MNAT1: variants seen among roughly 807,000 people sequenced by gnomAD.
The protein encoded by MNAT1 is CDK-activating kinase assembly factor MAT1.
A neutral mutation model predicts 42.0 loss-of-function variants in MNAT1; 43 were observed. The ratio of observed to expected loss-of-function variants is 1.02; its 90% CI spans 0.80 to 1.32. The LOEUF (loss-of-function observed/expected upper bound fraction) is 1.32. Among genes scored for constraint, MNAT1 ranks in the 40% most tolerant of loss-of-function variants. MNAT1 has a pLI of 0.00. For synonymous variants in MNAT1, 118 were observed against 120.0 expected (o/e 0.98, Z 0.11); for missense variants, 306 against 350.4 (o/e 0.87, Z 1.01).
chr14:60,761,044 C>T (rs1489309716), intron 1 of MNAT1, among the ~76,000 whole-genome samples: 1 of 152,144 alleles, frequency 6.6e-6, no homozygotes, highest in African/African-American at 2.4e-5. Flanking sequence ...TCTTGCTAGA[C>T]GCTTATGAAT....
At chr14:60,770,564 A>C (rs753364271) in intron 1 of MNAT1, among the ~76,000 whole-genome samples, 76 of 152,300 alleles carry the variant, frequency 5.0e-4, no homozygotes, top group Non-Finnish European at 7.9e-4. Flanking sequence ...CTTAATTTAT[A>C]TATTTGTTAT....
intron 6 of MNAT1, among the ~76,000 whole-genome samples, chr14:60,858,251 T>C (rs1401105508): frequency 3.3e-5 from 5 of 152,226 alleles, no homozygotes; most frequent in South Asian, 2.1e-4. Flanking sequence ...TTCCTGACTT[T>C]TTAATGATTG....
chr14:60,759,638 C>T (rs2030512196), intron 1 of MNAT1, among the ~76,000 whole-genome samples: 1 of 152,074 alleles, frequency 6.6e-6, no homozygotes, highest in African/African-American at 2.4e-5. Context: ...AGAAGGTATA[C>T]CAATAACCTT....
At chr14:60,941,447 T>C (rs2036157499) in intron 7 of MNAT1, among the ~76,000 whole-genome samples, 1 of 152,174 alleles carries the variant, frequency 6.6e-6, no homozygotes. Flanking sequence ...CACCTGTAGT[T>C]TCAGCCTTTT....
At chr14:60,818,636 G>A in intron 5 of MNAT1, 86 bp from the exon 6 acceptor site, 3 of 1,217,572 alleles carry the variant, frequency 2.5e-6, no homozygotes, top group Non-Finnish European at 3.3e-6. Context: ...AAATGCTTAT[G>A]GAAAAGACAT....
At position 60,897,666 on chromosome 14, in the gene MNAT1, G is replaced by A. The variant is rs144476975; in HGVS notation, c.809+17831G>A. Reference sequence around the variant, plus strand: ...GGGGTACATGTGAATATTTTTACATGCATAGAATGTGTAATTATCAAGTCA... The same window carrying A: ...GGGGTACATGTGAATATTTTTACATACATAGAATGTGTAATTATCAAGTCA... On this transcript the variant is annotated intron_variant, in intron 7 of 7. Coordinates refer to ENST00000261245, the MANE Select transcript of MNAT1 (RefSeq NM_002431.4). 8.2e-3 allele frequency among the ~76,000 whole-genome samples: 1,254 copies of A among 152,100 alleles called. 11 individuals are homozygous for A. Among genetic ancestry groups the A allele is most frequent in the Admixed American group, 0.013 (197 of 15,268 alleles).
intron 7 of MNAT1, among the ~76,000 whole-genome samples, chr14:60,909,912 G>A (rs1387524190): frequency 1.3e-5 from 2 of 150,924 alleles, no homozygotes; most frequent in Middle Eastern, 3.2e-3. Context: ...AATTACCTTG[G>A]GCAGTATGGC....
At chr14:60,913,139 T>A (rs2035420328) in intron 7 of MNAT1, among the ~76,000 whole-genome samples, 1 of 152,246 alleles carries the variant, frequency 6.6e-6, no homozygotes, top group African/African-American at 2.4e-5. Context: ...GCTTGTGCAT[T>A]CATCACGTAG....
chr14:60,878,746 T>A (rs1453589057), intron 6 of MNAT1, among the ~76,000 whole-genome samples: 1 of 152,120 alleles, frequency 6.6e-6, no homozygotes, highest in Non-Finnish European at 1.5e-5. Context: ...TTAGTAGACA[T>A]TGCTTTGATT....
chr14:60,810,322 T>A (rs905397152), intron 4 of MNAT1, among the ~76,000 whole-genome samples: 1 of 152,078 alleles, frequency 6.6e-6, no homozygotes, highest in Non-Finnish European at 1.5e-5. Flanking sequence ...TTTTCTGTTT[T>A]CTATTTCATT....
chr14:60,897,645 T>G (rs1300143200), intron 7 of MNAT1, among the ~76,000 whole-genome samples: 1 of 152,168 alleles, frequency 6.6e-6, no homozygotes, highest in Non-Finnish European at 1.5e-5. Context: ...ATTTATGGGG[T>G]ACATGTGAAT....
At chr14:60,782,243 G>T (rs1449601129) in intron 1 of MNAT1, among the ~76,000 whole-genome samples, 1 of 151,906 alleles carries the variant, frequency 6.6e-6, no homozygotes, top group African/African-American at 2.4e-5. Flanking sequence ...GAGCTTATGG[G>T]GGACCATTTG....
At chr14:60,828,764 G>A (rs1001375995) in intron 6 of MNAT1, among the ~76,000 whole-genome samples, 1 of 152,172 alleles carries the variant, frequency 6.6e-6, no homozygotes, top group African/African-American at 2.4e-5. Context: ...TAAATTGAAG[G>A]TTCCCACGAT....
intron 7 of MNAT1, among the ~76,000 whole-genome samples, chr14:60,931,604 TCTAA>T (rs952955099): frequency 6.6e-6 from 1 of 152,204 alleles, no homozygotes; most frequent in Non-Finnish European, 1.5e-5. Flanking sequence ...TTCATATTTC[TCTAA>T]CTTTTTTCTT....
chr14:60,805,630 A>G (rs1163994224), intron 3 of MNAT1, among the ~76,000 whole-genome samples: 1 of 152,182 alleles, frequency 6.6e-6, no homozygotes, highest in Non-Finnish European at 1.5e-5. Flanking sequence ...TGACTTTTCC[A>G]GAATGTTATA....
At chr14:60,954,686 A>G (rs761998292) in intron 7 of MNAT1, among the ~76,000 whole-genome samples, 1 of 152,164 alleles carries the variant, frequency 6.6e-6, no homozygotes, top group Non-Finnish European at 1.5e-5. Context: ...ATCTGCAAAC[A>G]GAGACAATGT....
At chr14:60,938,961 GAGGGTGTATGTGTCA>G (rs1351299557) in intron 7 of MNAT1, among the ~76,000 whole-genome samples, 1 of 152,182 alleles carries the variant, frequency 6.6e-6, no homozygotes, top group Admixed American at 6.5e-5. Context: ...TTAGTGTTGG[GAGGGTGTATGTGTCA>G]AGGAATTTAT....
chr14:60,751,311 A>G (rs2030083079), intron 1 of MNAT1, among the ~76,000 whole-genome samples: 1 of 152,160 alleles, frequency 6.6e-6, no homozygotes, highest in Admixed American at 6.5e-5. Context: ...AAACTCATGC[A>G]TAAGATGAAA....
chr14:60,821,868 T>C (rs894869095), intron 6 of MNAT1, among the ~76,000 whole-genome samples: 2 of 152,210 alleles, frequency 1.3e-5, no homozygotes, highest in East Asian at 3.9e-4. Flanking sequence ...TAAATTATTC[T>C]CATTTTTCTT....
Sources: gnomAD v4.1 joint callset for allele counts (sites outside exome capture counted in the v4.1 genomes callset) on GRCh38, gnomAD v4.1.1 for gene constraint, MANE v1.5 for transcripts, NCBI Gene and HGNC (gene_info 2026-07-23, HGNC 2026-07-21) for gene names.